DGCR2: variants seen among roughly 807,000 people sequenced by gnomAD.
The protein encoded by DGCR2 is DiGeorge syndrome critical region gene 2.
Under a neutral mutation model 51.6 loss-of-function variants are expected in DGCR2, and 24 were observed. That is an observed-to-expected ratio of 0.47 (90% CI 0.34 to 0.65). The LOEUF (loss-of-function observed/expected upper bound fraction) is 0.65. Ranked by LOEUF, DGCR2 falls within the 30% of genes least tolerant of loss-of-function variation. The pLI is 0.01. For synonymous variants in DGCR2, 340 were observed against 315.4 expected (o/e 1.08, Z -0.82); for missense variants, 765 against 772.1 (o/e 0.99, Z 0.11).
chr22:19,064,737 C>T, intron 4 of DGCR2, 111 bp downstream of exon 4: 6 of 1,085,406 alleles, frequency 5.5e-6, no homozygotes, highest in Non-Finnish European at 8.1e-6. Context: ...GTCTTCCCAA[C>T]CTGCTGTCTG....
intron 1 of DGCR2, among the ~76,000 whole-genome samples, chr22:19,093,361 GAA>G (rs35223547): frequency 7.8e-4 from 94 of 120,456 alleles, no homozygotes; most frequent in African/African-American, 1.7e-3. Context: ...ACTCCACCTC[GAA>G]AAAAAAAAAA....
intron 2 of DGCR2, among the ~76,000 whole-genome samples, chr22:19,085,470 G>A (rs529969212): frequency 6.6e-6 from 1 of 152,182 alleles, no homozygotes; most frequent in Non-Finnish European, 1.5e-5. Context: ...GAGGAAGAAA[G>A]GTTCCACCTC....
intron 6 of DGCR2, among the ~76,000 whole-genome samples, chr22:19,053,780 T>C (rs2082573430): frequency 2.6e-5 from 4 of 152,200 alleles, no homozygotes. Context: ...TACGATTAAT[T>C]TGTTAAAGGC....
chr22:19,057,563 G>A lies in DGCR2; in HGVS notation c.626-401C>T, dbSNP rs1305922604. On this transcript the variant is annotated intron_variant, in intron 5 of 9. Coordinates refer to ENST00000263196, the MANE Select transcript of DGCR2 (RefSeq NM_005137.3). The surrounding 1 kb of genome is among the most constrained non-coding windows in gnomAD (Gnocchi z 5.1). ...GGAATGGGCAAGGGAAACAGGCAGG[G>A]AAGCTCTCCCTTAGGACAGCACACT... Among the ~76,000 whole-genome samples the A allele has an allele frequency of 1.3e-5, 2 of 152,196 alleles. No individual in the cohort carries two copies. The highest frequency in any genetic ancestry group is 6.5e-5 in the Admixed American group (1 of 15,282).
chr22:19,080,986 G>A (rs1482802825), intron 2 of DGCR2, among the ~76,000 whole-genome samples: 2 of 152,168 alleles, frequency 1.3e-5, no homozygotes, highest in Admixed American at 6.5e-5. Context: ...TTGGCACTCA[G>A]AGCCTTCAAG....
intron 1 of DGCR2, among the ~76,000 whole-genome samples, chr22:19,097,590 T>G (rs2083156366): frequency 6.6e-6 from 1 of 152,178 alleles, no homozygotes; most frequent in South Asian, 2.1e-4. Flanking sequence ...ACAGGTCATG[T>G]CTGCACTGTT....
intron 2 of DGCR2, among the ~76,000 whole-genome samples, chr22:19,070,235 AGAAGG>A (rs1221744437): frequency 6.6e-6 from 1 of 152,174 alleles, no homozygotes; most frequent in African/African-American, 2.4e-5. Flanking sequence ...CACTTGGTGG[AGAAGG>A]GAAGAGCCAC....
intron 3 of DGCR2, among the ~76,000 whole-genome samples, chr22:19,067,721 TAAA>T (rs2082765158): frequency 1.4e-5 from 2 of 140,148 alleles, no homozygotes; most frequent in South Asian, 4.4e-4. Context: ...AATAAATAAA[TAAA>T]TAAATAAGGA....
Position 19,103,455 on chromosome 22 carries a change from G to A in DGCR2, c.80-13965C>T, listed in dbSNP as rs191640752. ...TTTTTTTTTTTTTTTTTTTGAGCCGGAGTCTCGCTCTGTCACCCAGGCTGG... is the reference window on the plus strand; with the variant it reads ...TTTTTTTTTTTTTTTTTTTGAGCCGAAGTCTCGCTCTGTCACCCAGGCTGG... On this transcript the variant is annotated intron_variant, in intron 1 of 9. Coordinates refer to ENST00000263196, the MANE Select transcript of DGCR2 (RefSeq NM_005137.3). Among the ~76,000 whole-genome samples, 553 of 115,088 alleles carry A rather than the reference G, an allele frequency of 4.8e-3. 5 individuals are homozygous for A. Among genetic ancestry groups the A allele is most frequent in the African/African-American group, 0.017 (505 of 29,746 alleles). 75.5% of individuals were successfully genotyped at this position (115,088 alleles called of 152,430 possible). A position where few individuals can be genotyped will look rare whatever the true frequency, so the allele number is the denominator to read the frequency against.
chr22:19,087,736 G>A (rs1428110365), intron 2 of DGCR2, among the ~76,000 whole-genome samples: 2 of 140,448 alleles, frequency 1.4e-5, no homozygotes, highest in African/African-American at 5.3e-5. Flanking sequence ...CCAGGATAAA[G>A]TGCAGTGGCA....
intron 2 of DGCR2, among the ~76,000 whole-genome samples, chr22:19,080,878 T>C (rs1228324027): frequency 6.6e-6 from 1 of 151,644 alleles, no homozygotes; most frequent in East Asian, 1.9e-4. Context: ...GCAGAAAGAG[T>C]CACCCAGTGA....
chr22:19,067,347 T>TA (rs1039878111), intron 3 of DGCR2, among the ~76,000 whole-genome samples: 1 of 152,226 alleles, frequency 6.6e-6, no homozygotes, highest in African/African-American at 2.4e-5. Flanking sequence ...CATGCCCCTT[T>TA]AAAATTTCAA....
At chr22:19,083,673 C>CCCCTCT (rs1173605604) in intron 2 of DGCR2, among the ~76,000 whole-genome samples, 5 of 119,418 alleles carry the variant, frequency 4.2e-5, no homozygotes, top group South Asian at 2.7e-4. Context: ...AAAGATGGTT[C>CCCCTCT]CCCTCTCCCT....
At chr22:19,059,315 G>A (rs887120156) in intron 5 of DGCR2, among the ~76,000 whole-genome samples, 6 of 152,086 alleles carry the variant, frequency 3.9e-5, no homozygotes, top group African/African-American at 1.2e-4. Context: ...GTTAGATCCC[G>A]GTGGGGGCTG....
intron 1 of DGCR2, among the ~76,000 whole-genome samples, chr22:19,097,053 G>C (rs1381605576): frequency 6.6e-6 from 1 of 151,930 alleles, no homozygotes; most frequent in Non-Finnish European, 1.5e-5. Context: ...GAAGTAATAA[G>C]TAACAACACT....
At chr22:19,056,521 T>TC in intron 6 of DGCR2, 1 of 442,452 alleles carries the variant, frequency 2.3e-6, no homozygotes, top group Non-Finnish European at 4.1e-6. Context: ...GAGACCCCTG[T>TC]CCCCCAAAAG....
At chr22:19,059,805 GCCA>G (rs1245339500) in intron 5 of DGCR2, among the ~76,000 whole-genome samples, 2 of 152,058 alleles carry the variant, frequency 1.3e-5, no homozygotes, top group African/African-American at 4.8e-5. Context: ...GATTACCTCT[GCCA>G]CCACATCCTC....
intron 7 of DGCR2, chr22:19,048,167 GAACAAACA>G: frequency 1.9e-6 from 1 of 528,220 alleles, no homozygotes; most frequent in East Asian, 3.3e-5. Flanking sequence ...GGTGACTTGT[GAACAAACA>G]GCCACACTTG....
intron 6 of DGCR2, among the ~76,000 whole-genome samples, chr22:19,055,371 C>T (rs1245282901): frequency 6.6e-6 from 1 of 152,090 alleles, no homozygotes; most frequent in Non-Finnish European, 1.5e-5. Flanking sequence ...TGACTTCATA[C>T]AGGTACATTC....
Sources: allele counts gnomAD v4.1 joint callset (sites outside exome capture counted in the v4.1 genomes callset), GRCh38; gene constraint gnomAD v4.1.1; non-coding constraint Gnocchi (gnomAD v3.1); transcripts MANE v1.5; gene names NCBI Gene and HGNC (gene_info 2026-07-23, HGNC 2026-07-21).